EPOP: variants seen among roughly 807,000 people sequenced by gnomAD.
EPOP encodes elongin BC and Polycomb repressive complex 2-associated protein.
EPOP carries 14 observed loss-of-function variants against 18.2 expected under a neutral mutation model. The observed-to-expected ratio is 0.77, with a 90% CI of 0.51 to 1.20. The LOEUF (loss-of-function observed/expected upper bound fraction) is 1.20. Ranked by LOEUF, EPOP falls within the 50% of genes most tolerant of loss-of-function variation. The probability of loss-of-function intolerance (pLI) is 0.00; values close to 1 mark genes in which losing one functional copy is unlikely to be tolerated. For synonymous variants in EPOP, 252 were observed against 274.9 expected (o/e 0.92, Z 0.83); for missense variants, 527 against 577.2 (o/e 0.91, Z 0.89).
rs780443371 is a variant in EPOP, at chr17:38,673,849, G to A, written c.647C>T (p.Pro216Leu). 5 of 1,477,858 alleles carry A rather than the reference G, an allele frequency of 3.4e-6. No individual in the cohort carries two copies. The highest frequency in any genetic ancestry group is 1.3e-5 in the South Asian group (1 of 76,300). 91.5% of individuals were successfully genotyped at this position (1,477,858 alleles called of 1,614,324 possible). ...GQPAEVDGNPPPAAPEAPAAS... is the reference protein window; with the variant it reads ...GQPAEVDGNPLPAAPEAPAAS... ...CGCTGGAGCCTCGGGGGCGGCCGGCGGGGGGTTTCCATCGACTTCGGCAGG... is the reference window on the plus strand; with the variant it reads ...CGCTGGAGCCTCGGGGGCGGCCGGCAGGGGGTTTCCATCGACTTCGGCAGG... Residue 216 changes from proline (P) to leucine (L), a missense_variant, in exon 1 of 1, where the codon CCG becomes CTG. By Grantham distance (98) the Pro-to-Leu change is moderately conservative. Coordinates refer to ENST00000621654, the MANE Select transcript of EPOP (RefSeq NM_001130677.2).
At position 38,673,656 on chromosome 17, in the gene EPOP, C is replaced by T; in HGVS notation, c.840G>A (p.Pro280=). Residue 280 remains proline (P), a synonymous_variant, in exon 1 of 1, where the codon CCG becomes CCA. Transcript: ENST00000621654. ...RGPERPPAKG[P]ARGAAKKRRL... is the part of the protein sequence containing the mutation. ...GGCGTTTCTTGGCGGCTCCCCGAGC[C>T]GGCCCTTTCGCAGGCGGCCGCTCTG... 1 of 1,529,578 alleles carries T rather than the reference C, an allele frequency of 6.5e-7. No individual in the cohort carries two copies. Among genetic ancestry groups the T allele is most frequent in the South Asian group, 1.2e-5 (1 of 82,116 alleles). The allele number at this position is 1,529,578 out of a possible 1,614,324, so 94.8% of individuals were successfully genotyped here.
Position 38,674,047 on chromosome 17 carries a change from G to A in EPOP, c.449C>T (p.Thr150Met). The A allele has an allele frequency of 8.6e-6, 12 of 1,390,268 alleles. No individual in the cohort carries two copies. The highest frequency in any genetic ancestry group is 1.1e-5 in the Non-Finnish European group (12 of 1,082,346). The allele number at this position is 1,390,268 out of a possible 1,614,324, so 86.1% of individuals were successfully genotyped here. ...AGGCGGGGCCGAGGCGAAGCTGGTC[G>A]TAGATTCCCGAGGGTGCGGGGGCGC... ...CPAPPHPRES[T>M]TSFASAPPRP... The change falls in exon 1 of 1, where the codon ACG (threonine) becomes ATG (methionine). Residue 150 changes from threonine to methionine, a missense_variant. Transcript: ENST00000621654. This position sits in a 1 kb window ranked among gnomAD's most constrained non-coding sequence, Gnocchi z 4.5.
At position 38,673,940 on chromosome 17, in the gene EPOP, G is replaced by T; in HGVS notation, c.556C>A (p.Pro186Thr). 1 of 1,401,364 alleles carries T rather than the reference G, an allele frequency of 7.1e-7. No homozygotes were observed. Among genetic ancestry groups the T allele is most frequent in the South Asian group, 1.6e-5 (1 of 62,576 alleles). 86.8% of individuals were successfully genotyped at this position (1,401,364 alleles called of 1,614,324 possible). A position where few individuals can be genotyped will look rare whatever the true frequency, so the allele number is the denominator to read the frequency against. Residue 186 changes from proline (P) to threonine (T), a missense_variant, in exon 1 of 1, where the codon CCT (proline) becomes ACT (threonine). Coordinates refer to ENST00000621654, the MANE Select transcript of EPOP (RefSeq NM_001130677.2). ...GCGGGCTCGGTGGAGAGGCCCGCAG[G>T]TGGCGACGGAGGCCGGGAACTGGGT... ...QEPSSRPPSP[P>T]AGLSTEPAGP... is the part of the protein sequence containing the mutation.
chr17:38,671,733 A>G lies in EPOP; in HGVS notation c.*1623T>C, dbSNP rs1349302082. 3.4e-5 allele frequency: 5 copies of G among 148,334 alleles called. No homozygotes were observed. Among genetic ancestry groups the G allele is most frequent in the African/African-American group, 1.2e-4 (5 of 40,192 alleles). The allele number at this position is 148,334 out of a possible 1,614,324, so 9.2% of individuals were successfully genotyped here. Reference sequence around the variant, plus strand: ...AAAACAAACAAAACTTTTATGGTCCAAAACAGTTTTTCTCAAGAATCTGCT... The same window carrying G: ...AAAACAAACAAAACTTTTATGGTCCGAAACAGTTTTTCTCAAGAATCTGCT... On this transcript the variant is annotated 3_prime_UTR_variant, in exon 1 of 1. Transcript: ENST00000621654.
chr17:38,674,003 C>T lies in EPOP; in HGVS notation c.493G>A (p.Glu165Lys). 1 of 1,390,914 alleles carries T rather than the reference C, an allele frequency of 7.2e-7. No homozygotes were observed. The highest frequency in any genetic ancestry group is 9.2e-7 in the Non-Finnish European group (1 of 1,084,748). The allele number at this position is 1,390,914 out of a possible 1,614,324, so 86.2% of individuals were successfully genotyped here. The change falls in exon 1 of 1, where the codon GAG (glutamate) becomes AAG (lysine). Residue 165 changes from glutamate to lysine, a missense_variant. Transcript: ENST00000621654. This position sits in a 1 kb window ranked among gnomAD's most constrained non-coding sequence, Gnocchi z 4.5. ...CTGGCGGCTGGGCCACGCTGAGGCT[C>T]GAGACCCGGGGCCGGGCGAGGCGGG... ...SAPPRPAPGL[E>K]PQRGPAASPP...
Position 38,673,491 on chromosome 17 carries a change from C to T in EPOP, c.1005G>A (p.Pro335=), listed in dbSNP as rs1187489092. 3.3e-6 allele frequency: 5 copies of T among 1,535,002 alleles called. No individual in the cohort carries two copies. Among genetic ancestry groups the T allele is most frequent in the Admixed American group, 2.0e-5 (1 of 49,934 alleles). ...LVVGEDGDLK[P]ASSLRLQGDS... ...CTCCCTGGAGGCGAAGCGAGGATGC[C>T]GGCTTTAGGTCTCCGTCTTCCCCCA... The change falls in exon 1 of 1, where the codon CCG becomes CCA. Residue 335 remains proline (P), a synonymous_variant. Coordinates refer to ENST00000621654, the MANE Select transcript of EPOP (RefSeq NM_001130677.2).
Position 38,674,825 on chromosome 17 carries a change from G to T in EPOP, c.-330C>A. ...CAGAGGCAGGGGAAACAAAGCGGCC[G>T]GCGGCCGCGGGAGGCGGGAAGGACC... On this transcript the variant is annotated 5_prime_UTR_variant, in exon 1 of 1. Transcript: ENST00000621654. The surrounding 1 kb of genome is among the most constrained non-coding windows in gnomAD (Gnocchi z 4.5). The T allele has an allele frequency of 4.5e-6, 1 of 220,892 alleles. No individual in the cohort carries two copies. Among genetic ancestry groups the T allele is most frequent in the East Asian group, 8.5e-5 (1 of 11,712 alleles). The allele number at this position is 220,892 out of a possible 1,614,324, so 13.7% of individuals were successfully genotyped here.
In EPOP at chr17:38,673,398, G is replaced by C; in HGVS notation, c.1098C>G (p.Pro366=). ...WQMGGPAVPE[P]PGLKFWGINM... is the part of the protein sequence containing the mutation. Reference sequence around the variant, plus strand: ...TGATCCCCCAGAATTTGAGGCCAGGGGGCTCAGGGACAGCGGGACCCCCCA... The same window carrying C: ...TGATCCCCCAGAATTTGAGGCCAGGCGGCTCAGGGACAGCGGGACCCCCCA... Residue 366 remains proline, a synonymous_variant, in exon 1 of 1, where the codon CCC becomes CCG. Coordinates refer to ENST00000621654, the MANE Select transcript of EPOP (RefSeq NM_001130677.2). 1 of 1,524,006 alleles carries C rather than the reference G, an allele frequency of 6.6e-7. No individual in the cohort carries two copies. The highest frequency in any genetic ancestry group is 8.8e-7 in the Non-Finnish European group (1 of 1,135,926). 94.4% of individuals were successfully genotyped at this position (1,524,006 alleles called of 1,614,324 possible).
Position 38,673,396 on chromosome 17 carries a change from G to T in EPOP, c.1100C>A (p.Pro367His). 6.6e-7 allele frequency: 1 copy of T among 1,523,656 alleles called. No homozygotes were observed. Among genetic ancestry groups the T allele is most frequent in the Non-Finnish European group, 8.8e-7 (1 of 1,135,710 alleles). 94.4% of individuals were successfully genotyped at this position (1,523,656 alleles called of 1,614,324 possible). ...QMGGPAVPEP[P>H]GLKFWGINMD... Reference sequence around the variant, plus strand: ...GTTGATCCCCCAGAATTTGAGGCCAGGGGGCTCAGGGACAGCGGGACCCCC... The same window carrying T: ...GTTGATCCCCCAGAATTTGAGGCCATGGGGCTCAGGGACAGCGGGACCCCC... Residue 367 changes from proline (P) to histidine (H), a missense_variant, in exon 1 of 1, where the codon CCT (proline) becomes CAT (histidine). Pro to His is a moderately conservative substitution (Grantham distance 77, BLOSUM62 -2). Transcript: ENST00000621654.
rs898550218 is a variant in EPOP, at chr17:38,674,875, G to C, written c.-380C>G. 1 of 172,570 alleles carries C rather than the reference G, an allele frequency of 5.8e-6. No homozygotes were observed. The highest frequency in any genetic ancestry group is 2.4e-5 in the African/African-American group (1 of 42,102). 10.7% of individuals were successfully genotyped at this position (172,570 alleles called of 1,614,324 possible). The stretch of plus-strand genomic sequence containing the variant: ...CCCGGGCCCGGCACCCGGTGCCCGG[G>C]CCCAGGCGGCGGGGAGGGCGCCTTC... On this transcript the variant is annotated 5_prime_UTR_variant, in exon 1 of 1. Coordinates refer to ENST00000621654, the MANE Select transcript of EPOP (RefSeq NM_001130677.2). The surrounding 1 kb of genome is among the most constrained non-coding windows in gnomAD (Gnocchi z 4.5).
In EPOP at chr17:38,673,129, C is replaced by T; in HGVS notation, c.*227G>A. ...AGGCAGGGATTGGAATCTATGTCAT[C>T]AGCCTTCTCCCGACTCCAGCCCTGG... On this transcript the variant is annotated 3_prime_UTR_variant, in exon 1 of 1. Coordinates refer to ENST00000621654, the MANE Select transcript of EPOP (RefSeq NM_001130677.2). 1 of 626,526 alleles carries T rather than the reference C, an allele frequency of 1.6e-6. No homozygotes were observed. The highest frequency in any genetic ancestry group is 2.4e-6 in the Non-Finnish European group (1 of 413,702). The allele number at this position is 626,526 out of a possible 1,614,324, so 38.8% of individuals were successfully genotyped here.
Position 38,673,150 on chromosome 17 carries a change from C to A in EPOP, c.*206G>T, listed in dbSNP as rs1910993980. 1.2e-6 allele frequency: 1 copy of A among 818,278 alleles called. No individual in the cohort carries two copies. Among genetic ancestry groups the A allele is most frequent in the Non-Finnish European group, 1.7e-6 (1 of 580,140 alleles). 50.7% of individuals were successfully genotyped at this position (818,278 alleles called of 1,614,324 possible). ...TCATCAGCCTTCTCCCGACTCCAGC[C>A]CTGGGTTCCTCTGCAAAGGATGAGG... On this transcript the variant is annotated 3_prime_UTR_variant, in exon 1 of 1. Transcript: ENST00000621654.
Position 38,672,520 on chromosome 17 carries a change from G to A in EPOP, c.*836C>T, listed in dbSNP as rs2143606615. On this transcript the variant is annotated 3_prime_UTR_variant, in exon 1 of 1. Coordinates refer to ENST00000621654, the MANE Select transcript of EPOP (RefSeq NM_001130677.2). ...GGGACAGTGTCTAGCCCCTTCCCCA[G>A]GCAAAGTAAGCACTTTCCAGGAGAG... The A allele has an allele frequency of 6.6e-6, 1 of 152,258 alleles. No individual in the cohort carries two copies. The highest frequency in any genetic ancestry group is 2.4e-5 in the African/African-American group (1 of 41,534). The allele number at this position is 152,258 out of a possible 1,614,324, so 9.4% of individuals were successfully genotyped here.
At position 38,674,319 on chromosome 17, in the gene EPOP, C is replaced by T. The variant is rs184645580; in HGVS notation, c.177G>A (p.Gly59=). 8,292 of 1,532,690 alleles carry T rather than the reference C, an allele frequency of 5.4e-3. 37 individuals carry two copies. The highest frequency in any genetic ancestry group is 6.3e-3 in the Non-Finnish European group (7,225 of 1,143,462). The allele number at this position is 1,532,690 out of a possible 1,614,324, so 94.9% of individuals were successfully genotyped here. Reference sequence around the variant, plus strand: ...GGGACCGCGCCGCCAGCTCCCCAGGCCCCGGGCCCAGAGAGGACGCCCGGG... The same window carrying T: ...GGGACCGCGCCGCCAGCTCCCCAGGTCCCGGGCCCAGAGAGGACGCCCGGG... The part of the protein sequence containing the change: ...AKPRASSLGP[G]PGELAARSPV... Residue 59 remains glycine (G), a synonymous_variant, in exon 1 of 1, where the codon GGG becomes GGA. Coordinates refer to ENST00000621654, the MANE Select transcript of EPOP (RefSeq NM_001130677.2). This position sits in a 1 kb window ranked among gnomAD's most constrained non-coding sequence, Gnocchi z 4.5.
chr17:38,674,317 G>A lies in EPOP; in HGVS notation c.179C>T (p.Pro60Leu), dbSNP rs1264562794. 1 of 1,531,826 alleles carries A rather than the reference G, an allele frequency of 6.5e-7. No homozygotes were observed. The highest frequency in any genetic ancestry group is 1.4e-5 in the African/African-American group (1 of 71,696). The allele number at this position is 1,531,826 out of a possible 1,614,324, so 94.9% of individuals were successfully genotyped here. A position where few individuals can be genotyped will look rare whatever the true frequency, so the allele number is the denominator to read the frequency against. Residue 60 changes from proline (P) to leucine (L), a missense_variant, in exon 1 of 1, where the codon CCT (proline) becomes CTT (leucine). Coordinates refer to ENST00000621654, the MANE Select transcript of EPOP (RefSeq NM_001130677.2). This position sits in a 1 kb window ranked among gnomAD's most constrained non-coding sequence, Gnocchi z 4.5. ...KPRASSLGPG[P>L]GELAARSPVL... ...TGGGGACCGCGCCGCCAGCTCCCCA[G>A]GCCCCGGGCCCAGAGAGGACGCCCG...
chr17:38,674,080 C>T lies in EPOP; in HGVS notation c.416G>A (p.Arg139His). 1.4e-6 allele frequency: 2 copies of T among 1,408,586 alleles called. No homozygotes were observed. Among genetic ancestry groups the T allele is most frequent in the South Asian group, 1.5e-5 (1 of 65,534 alleles). 87.3% of individuals were successfully genotyped at this position (1,408,586 alleles called of 1,614,324 possible). A position where few individuals can be genotyped will look rare whatever the true frequency, so the allele number is the denominator to read the frequency against. ...CCGAGGGTGCGGGGGCGCAGGGCAG[C>T]GGCCCGGAGGTGCACAGGAGCGAAC... is the stretch of plus-strand genomic sequence containing the variant. ...FGVRSCAPPG[R>H]CPAPPHPRES... Residue 139 changes from arginine to histidine, a missense_variant, in exon 1 of 1, where the codon CGC becomes CAC. Physicochemically the swap from Arg to His is conservative, Grantham distance 29. Transcript: ENST00000621654. The surrounding 1 kb of genome is among the most constrained non-coding windows in gnomAD (Gnocchi z 4.5).
At position 38,674,248 on chromosome 17, in the gene EPOP, G is replaced by A; in HGVS notation, c.248C>T (p.Ala83Val). The A allele has an allele frequency of 1.4e-6, 2 of 1,433,778 alleles. No homozygotes were observed. The highest frequency in any genetic ancestry group is 1.8e-6 in the Non-Finnish European group (2 of 1,104,454). 88.8% of individuals were successfully genotyped at this position (1,433,778 alleles called of 1,614,324 possible). A position where few individuals can be genotyped will look rare whatever the true frequency, so the allele number is the denominator to read the frequency against. The change falls in exon 1 of 1, where the codon GCC (alanine) becomes GTC (valine). Residue 83 changes from alanine to valine, a missense_variant. Transcript: ENST00000621654. The surrounding 1 kb of genome is among the most constrained non-coding windows in gnomAD (Gnocchi z 4.5). ...CCAGAGGTGCTTCAGGCCATCCGGG[G>A]CCCAGCCGCCAGGGCGCAGGGGGGC... ...PQAPLRPGGW[A>V]PDGLKHLWAP...
rs932495088 is a variant in EPOP at position 38,673,787 on chromosome 17, G to A, written c.709C>T (p.Pro237Ser). The A allele has an allele frequency of 3.9e-6, 6 of 1,519,286 alleles. No individual in the cohort carries two copies. In the African/African-American group the frequency reaches 4.3e-5, roughly 11 times the overall value. The allele number at this position is 1,519,286 out of a possible 1,614,324, so 94.1% of individuals were successfully genotyped here. The stretch of plus-strand genomic sequence containing the variant: ...AAATGTTCCTGGCGGAGATCTCCGG[G>A]TGCGGCCGGAGCCGGGCTGGCCGTC... The part of the protein sequence containing the change: ...PSTASPAPAA[P>S]GDLRQEHFDR... The change falls in exon 1 of 1, where the codon CCC (proline) becomes TCC (serine). Residue 237 changes from proline to serine, a missense_variant. Physicochemically the swap from Pro to Ser is moderately conservative, Grantham distance 74. Coordinates refer to ENST00000621654, the MANE Select transcript of EPOP (RefSeq NM_001130677.2).
At position 38,673,302 on chromosome 17, in the gene EPOP, A is replaced by T. The variant is rs1910998944; in HGVS notation, c.*54T>A. ...TGTGAGAAACGGGGCTCCCTCCTCA[A>T]GCCCGCGGTTTGGCCATGGTCCCAA... is the stretch of plus-strand genomic sequence containing the variant. On this transcript the variant is annotated 3_prime_UTR_variant, in exon 1 of 1. Transcript: ENST00000621654. The T allele has an allele frequency of 3.4e-6, 5 of 1,463,460 alleles. No homozygotes were observed. Among genetic ancestry groups the T allele is most frequent in the Non-Finnish European group, 4.5e-6 (5 of 1,106,268 alleles). The allele number at this position is 1,463,460 out of a possible 1,614,324, so 90.7% of individuals were successfully genotyped here.
Sources: allele counts gnomAD v4.1 joint callset, GRCh38; gene constraint gnomAD v4.1.1; non-coding constraint Gnocchi (gnomAD v3.1); transcripts MANE v1.5; gene names NCBI Gene and HGNC (gene_info 2026-07-23, HGNC 2026-07-21).